Variants in MATCAP2 observed in about 807,000 individuals in gnomAD.
The protein encoded by MATCAP2 is putative tyrosine carboxypeptidase MATCAP2.
the MATCAP2 span, among the ~76,000 whole-genome samples, chr7:36,359,260 T>C: frequency 6.6e-6 from 1 of 152,182 alleles, no homozygotes; most frequent in African/African-American, 2.4e-5. Flanking sequence ...GGAGAGGGTA[T>C]TGACATCTAG....
the MATCAP2 span, among the ~76,000 whole-genome samples, chr7:36,380,234 G>C: frequency 6.6e-5 from 10 of 152,268 alleles, no homozygotes; most frequent in African/African-American, 2.4e-4. Context: ...AGGTGATTGG[G>C]TTCTCATCTC....
chr7:36,339,488 G>C, the MATCAP2 span, among the ~76,000 whole-genome samples: 1 of 152,174 alleles, frequency 6.6e-6, no homozygotes, highest in Admixed American at 6.5e-5. Flanking sequence ...TTCAGAATCT[G>C]CATTTTAACA....
the MATCAP2 span, among the ~76,000 whole-genome samples, chr7:36,340,213 A>G: frequency 6.6e-6 from 1 of 152,346 alleles, no homozygotes; most frequent in East Asian, 1.9e-4. Flanking sequence ...AGATAAAATT[A>G]TAATAGCTTT....
chr7:36,324,887 T>G, the MATCAP2 span: 1 of 152,228 alleles, frequency 6.6e-6, no homozygotes, highest in Non-Finnish European at 1.5e-5. Context: ...CTGCTGCAAA[T>G]GATCCGACCA....
At chr7:36,337,098 CAAA>C in the MATCAP2 span, among the ~76,000 whole-genome samples, 3,213 of 18,140 alleles carry the variant, frequency 0.18, 44 homozygotes, top group Middle Eastern at 0.33. Flanking sequence ...AACTCCATCT[CAAA>C]AAAAAAAAAA....
chr7:36,336,184 C>G, the MATCAP2 span: 11 of 1,536,390 alleles, frequency 7.2e-6, no homozygotes, highest in Non-Finnish European at 7.0e-6. Context: ...TCATCATGTA[C>G]TTCCTAACGT....
chr7:36,328,421 C>G, the MATCAP2 span, among the ~76,000 whole-genome samples: 1 of 146,082 alleles, frequency 6.8e-6, no homozygotes, highest in Non-Finnish European at 1.5e-5. Flanking sequence ...CTGATCAATA[C>G]TCTTCCAGGC....
chr7:36,383,815 T>C, the MATCAP2 span: 1 of 1,292,940 alleles, frequency 7.7e-7, no homozygotes, highest in African/African-American at 1.5e-5. Flanking sequence ...AGTATAATAA[T>C]AATTTTAAAA....
At chr7:36,357,235 T>A in the MATCAP2 span, 1 of 1,614,166 alleles carries the variant, frequency 6.2e-7, no homozygotes, top group Non-Finnish European at 8.5e-7. Flanking sequence ...GACTTGACAC[T>A]GAACTAGTGA....
the MATCAP2 span, among the ~76,000 whole-genome samples, chr7:36,373,711 C>A: frequency 6.6e-6 from 1 of 152,108 alleles, no homozygotes; most frequent in Admixed American, 6.6e-5. Flanking sequence ...TCCCAAAGTG[C>A]CATTATTACA....
chr7:36,332,010 C>T, the MATCAP2 span, among the ~76,000 whole-genome samples: 34 of 152,124 alleles, frequency 2.2e-4, no homozygotes, highest in East Asian at 2.3e-3. Context: ...GAAGAATAGA[C>T]GAACCACAGT....
the MATCAP2 span, among the ~76,000 whole-genome samples, chr7:36,347,387 G>A: frequency 3.9e-5 from 6 of 152,076 alleles, no homozygotes; most frequent in African/African-American, 1.4e-4. Context: ...CTTCTCAACT[G>A]CAGTTTTCAC....
At chr7:36,372,840 C>T in the MATCAP2 span, among the ~76,000 whole-genome samples, 2 of 152,172 alleles carry the variant, frequency 1.3e-5, no homozygotes, top group Admixed American at 6.5e-5. Context: ...CATGGTGGCT[C>T]ACGCCTGTAA....
chr7:36,369,301 A>G, the MATCAP2 span, among the ~76,000 whole-genome samples: 1 of 152,272 alleles, frequency 6.6e-6, no homozygotes, highest in Non-Finnish European at 1.5e-5. Context: ...AACACTTGCT[A>G]TAGTAATGAG....
the MATCAP2 span, among the ~76,000 whole-genome samples, chr7:36,341,325 A>C: frequency 2.0e-5 from 3 of 152,196 alleles, no homozygotes; most frequent in Non-Finnish European, 2.9e-5. Context: ...AAAGAAAAAG[A>C]ATGGGTAAGA....
the MATCAP2 span, among the ~76,000 whole-genome samples, chr7:36,349,687 A>G: frequency 1.3e-5 from 2 of 152,256 alleles, no homozygotes; most frequent in Non-Finnish European, 2.9e-5. Flanking sequence ...ACCGCAGACT[A>G]TTCTTTCACC....
At chr7:36,368,636 C>A in the MATCAP2 span, among the ~76,000 whole-genome samples, 1 of 152,158 alleles carries the variant, frequency 6.6e-6, no homozygotes, top group African/African-American at 2.4e-5. Context: ...CCAGAGTGAA[C>A]CTGTGAAAAA....
the MATCAP2 span, chr7:36,337,633 CTTGT>C: frequency 6.6e-6 from 1 of 152,004 alleles, no homozygotes; most frequent in Non-Finnish European, 1.5e-5. Context: ...AGTCACTAAA[CTTGT>C]TTATTACTCT....
chr7:36,358,511 A>C, the MATCAP2 span, among the ~76,000 whole-genome samples: 2 of 152,230 alleles, frequency 1.3e-5, no homozygotes, highest in Non-Finnish European at 2.9e-5. Context: ...GCAAGTTAGA[A>C]AAACAAATTT....
Sources: gnomAD v4.1 joint callset for allele counts (sites outside exome capture counted in the v4.1 genomes callset) on GRCh38, gnomAD v4.1.1 for gene constraint, MANE v1.5 for transcripts, NCBI Gene and HGNC (gene_info 2026-07-23, HGNC 2026-07-21) for gene names.